The following PROM1 variants were observed in gnomAD, a reference collection of about 807,000 sequenced individuals.
PROM1 encodes prominin-1.
A neutral mutation model predicts 116.9 loss-of-function variants in PROM1; 105 were observed. That is an observed-to-expected ratio of 0.90 (90% CI 0.77 to 1.06). PROM1 has a LOEUF of 1.06. Among genes scored for constraint, PROM1 ranks in the 50% least tolerant of loss-of-function variants. The pLI, the probability that PROM1 is intolerant of heterozygous loss-of-function variation, is 0.00. For synonymous variants in PROM1, 393 were observed against 387.0 expected (o/e 1.02, Z -0.18); for missense variants, 1,122 against 1,045.2 (o/e 1.07, Z -1.01).
intron 26 of PROM1, among the ~76,000 whole-genome samples, chr4:15,974,768 C>A (rs1715674079): frequency 6.6e-6 from 1 of 152,090 alleles, no homozygotes; most frequent in African/African-American, 2.4e-5. Flanking sequence ...ACCGCATCAG[C>A]CAGAGTCTTT....
rs6449212 is a variant in PROM1 at position 16,000,427 on chromosome 4, T to C, written c.1578+69A>G. ...TAAGTTTGCACTGCTCTTAAAGTAATGCACAATATATGAAGAAATCCAAGT... is the reference window on the plus strand; with the variant it reads ...TAAGTTTGCACTGCTCTTAAAGTAACGCACAATATATGAAGAAATCCAAGT... On this transcript the variant is annotated intron_variant, in intron 14 of 27. Coordinates refer to ENST00000447510, the MANE Select transcript of PROM1 (RefSeq NM_006017.3). 0.96 allele frequency: 1,317,982 copies of C among 1,372,710 alleles called. 633,694 individuals carry two copies. The highest frequency in any genetic ancestry group is 0.99 in the African/African-American group (68,456 of 69,280). 85.0% of individuals were successfully genotyped at this position (1,372,710 alleles called of 1,614,324 possible).
intron 2 of PROM1, among the ~76,000 whole-genome samples, chr4:16,072,665 A>C (rs898388480): frequency 6.6e-6 from 1 of 152,258 alleles, no homozygotes; most frequent in African/African-American, 2.4e-5. Context: ...CTGCTCTTGC[A>C]GGACTAAAAA....
intron 2 of PROM1, among the ~76,000 whole-genome samples, chr4:16,040,483 G>T (rs1560549839): frequency 6.6e-6 from 1 of 152,204 alleles, no homozygotes; most frequent in Non-Finnish European, 1.5e-5. Context: ...TTCACTGAAT[G>T]AAAGAGTCTA....
chr4:15,990,277 T>C (rs570993873), intron 18 of PROM1, among the ~76,000 whole-genome samples: 2 of 152,232 alleles, frequency 1.3e-5, no homozygotes, highest in Non-Finnish European at 2.9e-5. Flanking sequence ...CCTAAGCTCC[T>C]ATACCGAGTC....
intron 10 of PROM1, among the ~76,000 whole-genome samples, chr4:16,013,906 ACTTT>A (rs1454717245): frequency 2.6e-5 from 4 of 151,006 alleles, no homozygotes; most frequent in Non-Finnish European, 5.9e-5. Flanking sequence ...ACAGAATCTT[ACTTT>A]CTAATTAAAA....
intron 2 of PROM1, among the ~76,000 whole-genome samples, chr4:16,041,785 A>ATATAT (rs1735342437): frequency 2.7e-5 from 1 of 37,620 alleles, no homozygotes; most frequent in African/African-American, 7.7e-5. Flanking sequence ...TAAATAAATA[A>ATATAT]ATATATATAT....
intron 13 of PROM1, among the ~76,000 whole-genome samples, chr4:16,002,321 C>T (rs925605163): frequency 6.6e-6 from 1 of 152,094 alleles, no homozygotes; most frequent in Non-Finnish European, 1.5e-5. Context: ...GTAGGGATAC[C>T]CAATGTACCC....
At chr4:16,050,185 C>T (rs1359796501) in intron 2 of PROM1, among the ~76,000 whole-genome samples, 16 of 151,082 alleles carry the variant, frequency 1.1e-4, no homozygotes, top group East Asian at 3.9e-4. Context: ...CCCTTGAACC[C>T]GGGAGTCAGA....
intron 13 of PROM1, among the ~76,000 whole-genome samples, chr4:16,001,624 C>T (rs1723874983): frequency 6.6e-6 from 1 of 152,108 alleles, no homozygotes; most frequent in Non-Finnish European, 1.5e-5. Context: ...TCGGCTGTCA[C>T]CAACCAATGT....
chr4:16,005,429 T>A (rs924684477), intron 13 of PROM1, among the ~76,000 whole-genome samples: 6 of 152,032 alleles, frequency 3.9e-5, no homozygotes, highest in Non-Finnish European at 8.8e-5. Context: ...AGGGAAAGGA[T>A]TTATAATCAT....
chr4:16,055,490 C>T (rs938212065), intron 2 of PROM1: 6 of 454,064 alleles, frequency 1.3e-5, no homozygotes, highest in Admixed American at 2.4e-5. Context: ...TATTTCTGAT[C>T]GGAAGATCTC....
intron 26 of PROM1, among the ~76,000 whole-genome samples, chr4:15,977,217 AG>A (rs1716372772): frequency 6.6e-6 from 1 of 152,040 alleles, no homozygotes; most frequent in Non-Finnish European, 1.5e-5. Flanking sequence ...AGCATCTTCC[AG>A]GCAGCCTGGA....
rs16892779 is a variant in PROM1, at chr4:16,013,115, G to A, written c.1141+160C>T. Among the ~76,000 whole-genome samples the A allele has an allele frequency of 8.1e-3, 1,230 of 152,144 alleles. 8 individuals are homozygous for A. The highest frequency in any genetic ancestry group is 0.017 in the South Asian group (81 of 4,824). On this transcript the variant is annotated intron_variant, in intron 11 of 27. Transcript: ENST00000447510. ...AACAGGTTTGTTCTTGTTTTTAACT[G>A]TCCGAATGACACAATTGTAAAGCTC...
At chr4:15,974,960 T>A (rs1401097660) in intron 26 of PROM1, among the ~76,000 whole-genome samples, 3 of 152,182 alleles carry the variant, frequency 2.0e-5, no homozygotes, top group African/African-American at 7.2e-5. Context: ...TCATGAGGTG[T>A]CGGCTAATAT....
At chr4:16,030,441 T>A (rs750191998) in intron 5 of PROM1, among the ~76,000 whole-genome samples, 1 of 152,180 alleles carries the variant, frequency 6.6e-6, no homozygotes. Flanking sequence ...AAAAAAATTG[T>A]TTTAACTGAA....
intron 13 of PROM1, among the ~76,000 whole-genome samples, chr4:16,003,611 C>G (rs1490380022): frequency 6.6e-6 from 1 of 152,144 alleles, no homozygotes; most frequent in Non-Finnish European, 1.5e-5. Flanking sequence ...CCTACGCCCC[C>G]CTGCAACAGA....
intron 2 of PROM1, among the ~76,000 whole-genome samples, chr4:16,039,380 C>T (rs1734654713): frequency 6.6e-6 from 1 of 152,152 alleles, no homozygotes; most frequent in African/African-American, 2.4e-5. Context: ...ATTTATTGTT[C>T]AATAATTCCA....
chr4:16,075,487 C>T (rs1743750339), intron 2 of PROM1, among the ~76,000 whole-genome samples, 200 bp downstream of exon 2: 1 of 152,156 alleles, frequency 6.6e-6, no homozygotes, highest in African/African-American at 2.4e-5. Flanking sequence ...CGTTTGCTTC[C>T]ATTTCTTATA....
chr4:16,032,167 T>G (rs1372265851), intron 5 of PROM1, among the ~76,000 whole-genome samples: 2 of 149,666 alleles, frequency 1.3e-5, no homozygotes. Context: ...TTTTTTAACA[T>G]AGTTACCATG....
Sources: allele counts gnomAD v4.1 joint callset (sites outside exome capture counted in the v4.1 genomes callset), GRCh38; gene constraint gnomAD v4.1.1; transcripts MANE v1.5; gene names NCBI Gene and HGNC (gene_info 2026-07-23, HGNC 2026-07-21).